GUCA2B: variants seen among roughly 807,000 people sequenced by gnomAD.
The protein encoded by GUCA2B is guanylate cyclase activator 2B.
Under a neutral mutation model 11.1 loss-of-function variants are expected in GUCA2B, and 7 were observed. The ratio of observed to expected loss-of-function variants is 0.63; its 90% CI spans 0.36 to 1.18. GUCA2B has a LOEUF of 1.18. GUCA2B is among the 50% of genes most tolerant of loss of function. The probability of loss-of-function intolerance (pLI) is 0.02; values close to 1 mark genes in which losing one functional copy is unlikely to be tolerated. For synonymous variants in GUCA2B, 69 were observed against 65.3 expected, an observed-to-expected ratio of 1.06 and a Z score of -0.27; for missense variants, 140 against 142.5, an observed-to-expected ratio of 0.98 and a Z score of 0.09.
chr1:42,154,660 C>G lies in GUCA2B; in HGVS notation c.91-20C>G, dbSNP rs1311213082. The G allele has an allele frequency of 6.2e-7, 1 of 1,608,956 alleles. No individual in the cohort carries two copies. Among genetic ancestry groups the G allele is most frequent in the Admixed American group, 1.7e-5 (1 of 60,020 alleles). Reference sequence around the variant, plus strand: ...GGACCAGGTCTTGACCTGCTCCTATCTCCTCTCCCCTGTCTGTAGTACCAA... The same window carrying G: ...GGACCAGGTCTTGACCTGCTCCTATGTCCTCTCCCCTGTCTGTAGTACCAA... On this transcript the variant is annotated intron_variant, in intron 1 of 2. Transcript: ENST00000372581.
At position 42,154,784 on chromosome 1, in the gene GUCA2B, C is replaced by A. The variant is rs1015809527; in HGVS notation, c.195C>A (p.Ala65=). The A allele has an allele frequency of 6.2e-7, 1 of 1,614,126 alleles. No homozygotes were observed. The highest frequency in any genetic ancestry group is 2.2e-5 in the East Asian group (1 of 44,890). ...TGCAGGCCCAGAGCCTCCTGCCCGC[C>A]GTGTGCCACCACCCTGCTCTGCCTC... ...PRLQAQSLLP[A]VCHHPALPQD... is the part of the protein sequence containing the mutation. The change falls in exon 2 of 3, where the codon GCC becomes GCA. Residue 65 remains alanine, a synonymous_variant. Transcript: ENST00000372581.
intron 2 of GUCA2B, 145 bp from the exon 3 acceptor site, chr1:42,155,390 C>A: frequency 1.4e-6 from 1 of 700,970 alleles, no homozygotes. Context: ...GCATCTGGGA[C>A]TTGAACCCAA....
chr1:42,155,517 A>T lies in GUCA2B; in HGVS notation c.278-18A>T, dbSNP rs1032914101. The T allele has an allele frequency of 3.7e-6, 6 of 1,609,754 alleles. No individual in the cohort carries two copies. The highest frequency in any genetic ancestry group is 1.3e-5 in the African/African-American group (1 of 74,822). On this transcript the variant is annotated intron_variant, in intron 2 of 2. Coordinates refer to ENST00000372581, the MANE Select transcript of GUCA2B (RefSeq NM_007102.3). ...GGGCCCAGGTTCAGGTCAACTGACC[A>T]GTTCTCTCCCTGCCCAGGGACCATC...
Sources: gnomAD v4.1 joint callset for allele counts on GRCh38, gnomAD v4.1.1 for gene constraint, MANE v1.5 for transcripts, NCBI Gene and HGNC (gene_info 2026-07-23, HGNC 2026-07-21) for gene names.